NREP: variants seen among roughly 807,000 people sequenced by gnomAD.
NREP encodes the protein neuronal regeneration-related protein.
In NREP, 5 loss-of-function variants were observed where a neutral mutation model predicts 8.6. The ratio of observed to expected loss-of-function variants is 0.58; its 90% CI spans 0.30 to 1.22. The LOEUF (loss-of-function observed/expected upper bound fraction) is 1.22. NREP is among the 50% of genes most tolerant of loss of function. The pLI is 0.07. For missense variants in NREP, 86 were observed against 82.5 expected, an observed-to-expected ratio of 1.04 and a Z score of -0.17; for synonymous variants, 27 against 28.0, an observed-to-expected ratio of 0.96 and a Z score of 0.11.
intron 2 of NREP, among the ~76,000 whole-genome samples, chr5:111,863,421 A>G (rs1319797771): frequency 6.6e-6 from 1 of 152,174 alleles, no homozygotes; most frequent in Non-Finnish European, 1.5e-5. Flanking sequence ...ACAGATTTGG[A>G]AATCAGAAAA....
chr5:111,911,595 T>C (rs1480153821), intron 2 of NREP, among the ~76,000 whole-genome samples: 2 of 152,064 alleles, frequency 1.3e-5, no homozygotes, highest in Non-Finnish European at 2.9e-5. Flanking sequence ...AGAGCACAGA[T>C]GTCATAAATA....
chr5:111,855,437 T>A (rs899397049), intron 2 of NREP, among the ~76,000 whole-genome samples: 7 of 152,206 alleles, frequency 4.6e-5, no homozygotes, highest in Non-Finnish European at 8.8e-5. Context: ...AGCTTCAAGC[T>A]TTTTAACCAA....
intron 2 of NREP, among the ~76,000 whole-genome samples, chr5:111,850,007 C>G (rs191946042): frequency 4.1e-4 from 62 of 152,304 alleles, no homozygotes; most frequent in African/African-American, 1.4e-3. Context: ...CCTGAACCAT[C>G]TAACACTGTC....
intron 2 of NREP, among the ~76,000 whole-genome samples, chr5:111,801,231 G>A (rs989460394): frequency 1.3e-5 from 2 of 152,200 alleles, no homozygotes; most frequent in Admixed American, 6.5e-5. Context: ...AAAAGGGAAG[G>A]ATGAGACTTC....
chr5:111,843,291 G>C (rs1326360174), intron 2 of NREP, among the ~76,000 whole-genome samples: 1 of 151,538 alleles, frequency 6.6e-6, no homozygotes, highest in Admixed American at 6.6e-5. Flanking sequence ...CTTCAAGCTT[G>C]CTGATTGCTT....
chr5:111,898,808 A>C (rs1378784213), intron 2 of NREP, among the ~76,000 whole-genome samples: 1 of 152,216 alleles, frequency 6.6e-6, no homozygotes, highest in Non-Finnish European at 1.5e-5. Context: ...AACTGTCAAA[A>C]GTCAAACACA....
At chr5:111,899,463 A>G (rs1754590346) in intron 2 of NREP, among the ~76,000 whole-genome samples, 1 of 152,104 alleles carries the variant, frequency 6.6e-6, no homozygotes. Context: ...GCAGTGAGCT[A>G]TGGCTGTGCC....
chr5:111,772,668 G>T (rs376823176), intron 2 of NREP, among the ~76,000 whole-genome samples: 4 of 151,906 alleles, frequency 2.6e-5, no homozygotes, highest in African/African-American at 9.7e-5. Context: ...GGATGCTGCT[G>T]GTCCTTTATG....
At chr5:111,735,799 G>A (rs1005373392) in intron 2 of NREP, among the ~76,000 whole-genome samples, 4 of 152,224 alleles carry the variant, frequency 2.6e-5, no homozygotes, top group African/African-American at 7.2e-5. Context: ...ATGTCTGGCT[G>A]AGTGCACTAA....
At chr5:111,743,619 C>T (rs1378478698) in intron 2 of NREP, among the ~76,000 whole-genome samples, 2 of 152,122 alleles carry the variant, frequency 1.3e-5, no homozygotes, top group Non-Finnish European at 2.9e-5. Flanking sequence ...GCACACCAAA[C>T]TGCACTTGTG....
intron 2 of NREP, among the ~76,000 whole-genome samples, chr5:111,795,082 CTT>C (rs930069642): frequency 6.6e-6 from 1 of 151,270 alleles, no homozygotes; most frequent in Non-Finnish European, 1.5e-5. Context: ...GTTTAAGTAT[CTT>C]TGATTCAAGT....
intron 2 of NREP, among the ~76,000 whole-genome samples, chr5:111,884,244 G>A (rs1281189203): frequency 2.0e-5 from 3 of 151,066 alleles, no homozygotes; most frequent in East Asian, 3.9e-4. Context: ...TAAATTCCTC[G>A]ACACATACAC....
At chr5:111,962,150 T>G (rs1180297299) in intron 2 of NREP, among the ~76,000 whole-genome samples, 2 of 152,212 alleles carry the variant, frequency 1.3e-5, no homozygotes, top group African/African-American at 2.4e-5. Flanking sequence ...CATGGCTCTT[T>G]TATCCTAGCT....
chr5:111,735,397 T>C (rs2112791852), intron 3 of NREP, 33 bp downstream of exon 3: 3 of 1,378,222 alleles, frequency 2.2e-6, no homozygotes, highest in Middle Eastern at 1.9e-4. Context: ...ATATTGAAAA[T>C]AGTGTTAACA....
Position 111,730,718 on chromosome 5 carries a change from C to G in NREP, c.*203G>C. On this transcript the variant is annotated 3_prime_UTR_variant, in exon 4 of 4. Transcript: ENST00000257435. ...AAACGTGGATTCACAGTGTGAAATT[C>G]TGAGCGTTTTCACTTGAGTCAGAAT... The G allele has an allele frequency of 1.8e-6, 1 of 570,586 alleles. No individual in the cohort carries two copies. Among genetic ancestry groups the G allele is most frequent in the East Asian group, 3.0e-5 (1 of 33,306 alleles). The allele number at this position is 570,586 out of a possible 1,614,324, so 35.3% of individuals were successfully genotyped here. A position where few individuals can be genotyped will look rare whatever the true frequency, so the allele number is the denominator to read the frequency against.
chr5:111,967,508 A>C (rs913768570), intron 2 of NREP, among the ~76,000 whole-genome samples: 4 of 152,276 alleles, frequency 2.6e-5, no homozygotes, highest in Admixed American at 2.6e-4. Flanking sequence ...CCTGACACCA[A>C]GCTAGTCCAT....
chr5:111,793,142 C>T (rs1237002750), intron 2 of NREP, among the ~76,000 whole-genome samples: 1 of 152,232 alleles, frequency 6.6e-6, no homozygotes, highest in South Asian at 2.1e-4. Context: ...AACCGTATTG[C>T]CTTTTTTACA....
intron 2 of NREP, among the ~76,000 whole-genome samples, chr5:111,874,600 G>A (rs1753863056): frequency 6.6e-6 from 1 of 152,164 alleles, no homozygotes; most frequent in South Asian, 2.1e-4. Context: ...AAATCTTTGA[G>A]TAAAGACAGT....
intron 2 of NREP, among the ~76,000 whole-genome samples, chr5:111,887,105 A>G (rs1754279319): frequency 6.6e-6 from 1 of 151,962 alleles, no homozygotes; most frequent in Non-Finnish European, 1.5e-5. Flanking sequence ...TAAATTTTTT[A>G]TAGAGTTGAG....
Sources: gnomAD v4.1 joint callset for allele counts (sites outside exome capture counted in the v4.1 genomes callset) on GRCh38, gnomAD v4.1.1 for gene constraint, MANE v1.5 for transcripts, NCBI Gene and HGNC (gene_info 2026-07-23, HGNC 2026-07-21) for gene names.